KLHL7: variants seen among roughly 807,000 people sequenced by gnomAD.
The protein encoded by KLHL7 is kelch like family member 7.
A neutral mutation model predicts 67.4 loss-of-function variants in KLHL7; 44 were observed. That is an observed-to-expected ratio of 0.65 (90% CI 0.51 to 0.84). The LOEUF (loss-of-function observed/expected upper bound fraction) is 0.84, where lower values mean the gene tolerates loss of function less well. KLHL7 is among the 40% of genes least tolerant of loss of function. The pLI, the probability that KLHL7 is intolerant of heterozygous loss-of-function variation, is 0.00. For missense variants in KLHL7, 362 were observed against 718.1 expected, an observed-to-expected ratio of 0.50 and a Z score of 5.67; for synonymous variants, 252 against 243.3, an observed-to-expected ratio of 1.04 and a Z score of -0.33.
At chr7:23,157,596 T>C (rs2128468072) in intron 7 of KLHL7, among the ~76,000 whole-genome samples, 1 of 46,374 alleles carries the variant, frequency 2.2e-5, no homozygotes, top group South Asian at 8.1e-4. Flanking sequence ...CTAGAAGGTC[T>C]TCCAAAATAG....
intron 1 of KLHL7, chr7:23,106,437 C>G: frequency 7.9e-7 from 1 of 1,260,836 alleles, no homozygotes; most frequent in Non-Finnish European, 1.0e-6. Context: ...ACAGCTCTGC[C>G]CTAGTTATCT....
intron 2 of KLHL7, 114 bp from the exon 3 acceptor site, chr7:23,124,574 G>A: frequency 1.4e-6 from 1 of 732,234 alleles, no homozygotes; most frequent in Non-Finnish European, 2.5e-6. Context: ...TTTTCTTCCA[G>A]AGAGAACTGT....
chr7:23,117,100 T>TTTTTTG (rs1783121528), intron 1 of KLHL7, among the ~76,000 whole-genome samples: 2 of 138,194 alleles, frequency 1.4e-5, no homozygotes, highest in African/African-American at 2.8e-5. Flanking sequence ...TTTTTTTTTT[T>TTTTTTG]TTTTTGAGAT....
intron 6 of KLHL7, among the ~76,000 whole-genome samples, chr7:23,147,199 C>T (rs1019335823): frequency 1.3e-5 from 2 of 151,196 alleles, no homozygotes; most frequent in African/African-American, 2.4e-5. Flanking sequence ...AAGTGATTCT[C>T]GTGCCTCAGC....
intron 4 of KLHL7, among the ~76,000 whole-genome samples, chr7:23,130,065 A>G (rs778603159): frequency 7.9e-5 from 12 of 152,204 alleles, no homozygotes; most frequent in Admixed American, 1.3e-4. Flanking sequence ...GAAATCATCT[A>G]ATGTGTTTTA....
At chr7:23,141,870 G>A (rs971350952) in intron 5 of KLHL7, among the ~76,000 whole-genome samples, 13 of 151,954 alleles carry the variant, frequency 8.6e-5, no homozygotes, top group South Asian at 2.1e-4. Flanking sequence ...TGATCTGCCC[G>A]CCTTGGCCTC....
In KLHL7 at chr7:23,170,507, A is replaced by G. The variant is rs148288381; in HGVS notation, c.1380-2441A>G. On this transcript the variant is annotated intron_variant, in intron 9 of 10. Transcript: ENST00000339077. ...AGGATAAGTTCTAATATTCAGTAGT[A>G]CAGTAGGGAGACTATAGTTAACAAT... Among the ~76,000 whole-genome samples, 814 of 152,360 alleles carry G rather than the reference A, an allele frequency of 5.3e-3. 5 individuals carry two copies. The highest frequency in any genetic ancestry group is 9.0e-3 in the Non-Finnish European group (614 of 68,034).
intron 1 of KLHL7, among the ~76,000 whole-genome samples, chr7:23,115,137 T>C (rs1416564497): frequency 1.3e-5 from 2 of 152,176 alleles, no homozygotes; most frequent in African/African-American, 4.8e-5. Flanking sequence ...TTTAGTTAGC[T>C]TAGCACCTCC....
intron 9 of KLHL7, among the ~76,000 whole-genome samples, chr7:23,169,283 T>A (rs1263350463): frequency 2.0e-5 from 3 of 150,968 alleles, no homozygotes; most frequent in African/African-American, 7.4e-5. Context: ...AATAAAAAAA[T>A]AAGAGCTTAA....
At position 23,140,963 on chromosome 7, in the gene KLHL7, C is replaced by T. The variant is rs746792673; in HGVS notation, c.618+19C>T. On this transcript the variant is annotated intron_variant, in intron 5 of 10. Coordinates refer to ENST00000339077, the MANE Select transcript of KLHL7 (RefSeq NM_001031710.3). ...GGATCAGGTGACTAAATTGCCTTCT[C>T]ACATTTTTCTTAATAAAAATGTCTT... is the stretch of plus-strand genomic sequence containing the variant. 1 of 1,606,618 alleles carries T rather than the reference C, an allele frequency of 6.2e-7. No individual in the cohort carries two copies. The highest frequency in any genetic ancestry group is 1.1e-5 in the South Asian group (1 of 90,870).
At position 23,167,959 on chromosome 7, in the gene KLHL7, T is replaced by C; in HGVS notation, c.1301T>C (p.Val434Ala). The stretch of plus-strand genomic sequence containing the variant: ...GTGGAAGCCAATGGCCTAATCTATG[T>C]TTGTGGTGGAAGTTTAGGAAACAAT... ...GMVEANGLIY[V>A]CGGSLGNNVS... Residue 434 changes from valine to alanine, a missense_variant, in exon 9 of 11, where the codon GTT (valine) becomes GCT (alanine). Physicochemically the swap from Val to Ala is moderately conservative, Grantham distance 64 (BLOSUM62 0). This residue lies in a region of KLHL7 where 136 missense variants were observed against 252.7 expected (regional missense o/e 0.54). Transcript: ENST00000339077. 6.2e-7 allele frequency: 1 copy of C among 1,614,220 alleles called. No homozygotes were observed. The highest frequency in any genetic ancestry group is 8.5e-7 in the Non-Finnish European group (1 of 1,180,028).
intron 7 of KLHL7, among the ~76,000 whole-genome samples, chr7:23,157,550 T>C (rs1784743080): frequency 6.6e-6 from 1 of 152,140 alleles, no homozygotes; most frequent in African/African-American, 2.4e-5. Flanking sequence ...GTAAATCACA[T>C]CCTGAGGTAA....
intron 4 of KLHL7, chr7:23,125,623 C>T (rs985132368): frequency 8.7e-6 from 9 of 1,037,912 alleles, no homozygotes; most frequent in Admixed American, 6.3e-5. Context: ...AGCTACTACA[C>T]CTTGCTGCCT....
At chr7:23,132,490 A>G (rs545134644) in intron 4 of KLHL7, among the ~76,000 whole-genome samples, 1 of 151,952 alleles carries the variant, frequency 6.6e-6, no homozygotes, top group African/African-American at 2.4e-5. Context: ...CCATTTTTTC[A>G]TTGGCTTTAT....
chr7:23,125,669 A>G, intron 4 of KLHL7: 19 of 1,378,860 alleles, frequency 1.4e-5, no homozygotes, highest in Non-Finnish European at 1.8e-5. Flanking sequence ...ATACTAGAAA[A>G]CATAACCTTA....
At chr7:23,143,049 A>G (rs1784242513) in intron 5 of KLHL7, among the ~76,000 whole-genome samples, 1 of 152,190 alleles carries the variant, frequency 6.6e-6, no homozygotes, top group Non-Finnish European at 1.5e-5. Flanking sequence ...AACTATTCTA[A>G]AATAAATTTG....
Position 23,152,930 on chromosome 7 carries a change from C to A in KLHL7, c.936+721C>A, listed in dbSNP as rs543886883. The stretch of plus-strand genomic sequence containing the variant: ...AAATACCACATCCTAAAGGATAACA[C>A]CCCAAACTTGCAAGGTGATATCCAT... On this transcript the variant is annotated intron_variant, in intron 7 of 10. Transcript: ENST00000339077. 1.2e-3 allele frequency among the ~76,000 whole-genome samples: 189 copies of A among 152,252 alleles called. 2 individuals are homozygous for A. The highest frequency in any genetic ancestry group is 6.8e-3 in the Middle Eastern group (2 of 294).
intron 8 of KLHL7, 109 bp downstream of exon 8, chr7:23,166,047 G>A (rs1784995619): frequency 1.6e-6 from 2 of 1,289,318 alleles, no homozygotes; most frequent in South Asian, 1.2e-5. Context: ...TACTTTCTTG[G>A]TAATTTAAAT....
intron 4 of KLHL7, among the ~76,000 whole-genome samples, chr7:23,135,825 C>T (rs1192386361): frequency 6.6e-6 from 1 of 152,160 alleles, no homozygotes; most frequent in Non-Finnish European, 1.5e-5. Flanking sequence ...AATTTACAGG[C>T]TTTCAAAGAG....
Sources: gnomAD v4.1 joint callset for allele counts (sites outside exome capture counted in the v4.1 genomes callset) on GRCh38, gnomAD v4.1.1 for gene constraint, gnomAD v4.1.1 regional missense constraint, MANE v1.5 for transcripts, NCBI Gene and HGNC (gene_info 2026-07-23, HGNC 2026-07-21) for gene names.